The following RHOBTB1 variants were observed in gnomAD, a reference collection of about 807,000 sequenced individuals.
RHOBTB1 encodes the protein rho-related BTB domain-containing protein 1.
Under a neutral mutation model 71.6 loss-of-function variants are expected in RHOBTB1, and 40 were observed. The ratio of observed to expected loss-of-function variants is 0.56; its 90% CI spans 0.43 to 0.73. The LOEUF (loss-of-function observed/expected upper bound fraction) is 0.73, where lower values mean the gene tolerates loss of function less well. Among genes scored for constraint, RHOBTB1 ranks in the 30% least tolerant of loss-of-function variants. The pLI, the probability that RHOBTB1 is intolerant of heterozygous loss-of-function variation, is 0.00. For synonymous variants in RHOBTB1, 319 were observed against 334.9 expected (o/e 0.95, Z 0.52); for missense variants, 797 against 894.0 (o/e 0.89, Z 1.38).
intron 2 of RHOBTB1, among the ~76,000 whole-genome samples, chr10:60,930,893 G>A (rs138729318): frequency 5.3e-5 from 8 of 152,056 alleles, no homozygotes; most frequent in East Asian, 1.9e-4. Context: ...ACAAATAAAC[G>A]AATCTTTCTT....
chr10:60,950,327 A>T (rs901467322), intron 2 of RHOBTB1, among the ~76,000 whole-genome samples: 4 of 152,226 alleles, frequency 2.6e-5, no homozygotes, highest in African/African-American at 9.6e-5. Context: ...CATGAACTAC[A>T]TTCTTAATAT....
At chr10:60,886,362 G>C in intron 6 of RHOBTB1, 132 bp from the exon 7 acceptor site, 1 of 640,860 alleles carries the variant, frequency 1.6e-6, no homozygotes, top group East Asian at 2.7e-5. Context: ...CTGATTTTAT[G>C]TCAATCCCCA....
At chr10:60,985,238 G>C (rs886969781) in intron 2 of RHOBTB1, among the ~76,000 whole-genome samples, 1 of 152,096 alleles carries the variant, frequency 6.6e-6, no homozygotes, top group African/African-American at 2.4e-5. Flanking sequence ...ACAAAGGAGA[G>C]TAAACTGTCC....
chr10:60,903,607 G>C (rs556592266), intron 4 of RHOBTB1, among the ~76,000 whole-genome samples: 12 of 151,992 alleles, frequency 7.9e-5, no homozygotes, highest in Non-Finnish European at 1.6e-4. Flanking sequence ...AGGGTATCTG[G>C]TGAAACGTTT....
intron 2 of RHOBTB1, among the ~76,000 whole-genome samples, chr10:60,954,134 G>C (rs1227933237): frequency 6.6e-6 from 1 of 152,188 alleles, no homozygotes; most frequent in Non-Finnish European, 1.5e-5. Context: ...AGCCTGGTGA[G>C]AATATAGACC....
intron 2 of RHOBTB1, among the ~76,000 whole-genome samples, chr10:60,974,331 A>C (rs184111974): frequency 2.6e-4 from 40 of 152,240 alleles, no homozygotes; most frequent in African/African-American, 8.7e-4. Context: ...AAATCAAGAG[A>C]TATAAATAGA....
At chr10:60,872,144 G>T in intron 10 of RHOBTB1, 41 bp downstream of exon 10, 3 of 1,397,412 alleles carry the variant, frequency 2.1e-6, no homozygotes, top group Non-Finnish European at 3.1e-6. Context: ...TCCATGAGAG[G>T]TGAGGAGAGC....
intron 4 of RHOBTB1, among the ~76,000 whole-genome samples, chr10:60,904,059 C>A (rs12780009): frequency 6.6e-6 from 1 of 152,012 alleles, no homozygotes; most frequent in African/African-American, 2.4e-5. Context: ...ACCTCCCACA[C>A]TCAGGTGATT....
At chr10:60,901,316 G>T (rs1445575340) in intron 4 of RHOBTB1, among the ~76,000 whole-genome samples, 1 of 152,152 alleles carries the variant, frequency 6.6e-6, no homozygotes, top group African/African-American at 2.4e-5. Flanking sequence ...AGAAATTACT[G>T]GTAGAATTGT....
chr10:60,881,653 A>G (rs2081333923), intron 7 of RHOBTB1, among the ~76,000 whole-genome samples: 1 of 152,242 alleles, frequency 6.6e-6, no homozygotes. Flanking sequence ...AGATGCTATT[A>G]AAAGCTTTTT....
At position 60,969,317 on chromosome 10, in the gene RHOBTB1, A is replaced by T. The variant is rs2086075497; in HGVS notation, c.-62+16528T>A. ...CAGGTGTCACTCTGATATAGCAGCC[A>T]CAAAAGCAACTTTGGTGTTAAGAGA... On this transcript the variant is annotated intron_variant, in intron 2 of 11. Coordinates refer to the RHOBTB1 transcript ENST00000357917. Among the ~76,000 whole-genome samples the T allele has an allele frequency of 2.0e-5, 3 of 152,286 alleles. No homozygotes were observed. The South Asian group carries it at 6.2e-4, about 32-fold the overall frequency.
At chr10:60,912,291 T>C (rs1432862082) in intron 2 of RHOBTB1, among the ~76,000 whole-genome samples, 1 of 151,952 alleles carries the variant, frequency 6.6e-6, no homozygotes, top group Admixed American at 6.6e-5. Context: ...ACAAGCACAG[T>C]GGTGCAATCT....
chr10:60,985,692 A>G (rs1305153585), intron 2 of RHOBTB1, among the ~76,000 whole-genome samples: 4 of 152,216 alleles, frequency 2.6e-5, no homozygotes, highest in Non-Finnish European at 5.9e-5. Flanking sequence ...CTAAAAAACG[A>G]AATATTTCTA....
intron 4 of RHOBTB1, among the ~76,000 whole-genome samples, chr10:60,897,961 T>G (rs1261364527): frequency 6.6e-6 from 1 of 152,060 alleles, no homozygotes; most frequent in East Asian, 1.9e-4. Flanking sequence ...ACCTCGGCTT[T>G]GCAAAGAGCT....
chr10:60,933,619 C>A (rs1186831651), intron 2 of RHOBTB1, among the ~76,000 whole-genome samples: 1 of 151,610 alleles, frequency 6.6e-6, no homozygotes, highest in Non-Finnish European at 1.5e-5. Flanking sequence ...AGTCGGGAGG[C>A]TGAGGCAGGA....
chr10:60,919,601 T>A (rs2083447036), intron 2 of RHOBTB1, among the ~76,000 whole-genome samples: 1 of 152,222 alleles, frequency 6.6e-6, no homozygotes, highest in African/African-American at 2.4e-5. Flanking sequence ...ATCAACAGAA[T>A]TCATTGTTGT....
At chr10:60,917,165 C>T (rs779259634) in intron 2 of RHOBTB1, among the ~76,000 whole-genome samples, 10 of 152,232 alleles carry the variant, frequency 6.6e-5, no homozygotes, top group Non-Finnish European at 1.0e-4. Context: ...CAATAAGAAA[C>T]TAACGTAGCA....
intron 2 of RHOBTB1, among the ~76,000 whole-genome samples, chr10:60,919,596 C>T (rs1191563723): frequency 6.6e-6 from 1 of 152,180 alleles, no homozygotes; most frequent in East Asian, 1.9e-4. Flanking sequence ...TTTAAATCAA[C>T]AGAATTCATT....
intron 5 of RHOBTB1, among the ~76,000 whole-genome samples, chr10:60,892,477 A>C (rs2081970313): frequency 6.6e-6 from 1 of 152,222 alleles, no homozygotes; most frequent in Non-Finnish European, 1.5e-5. Flanking sequence ...TAATAATTAT[A>C]ATTTCAAGGA....
Sources: gnomAD v4.1 joint callset for allele counts (sites outside exome capture counted in the v4.1 genomes callset) on GRCh38, gnomAD v4.1.1 for gene constraint, MANE v1.5 for transcripts, NCBI Gene and HGNC (gene_info 2026-07-23, HGNC 2026-07-21) for gene names.